The following AKAP9 variants were observed in gnomAD, a reference collection of about 807,000 sequenced individuals.
AKAP9 encodes the protein A-kinase anchor protein 9.
A neutral mutation model predicts 488.5 loss-of-function variants in AKAP9; 311 were observed. That is an observed-to-expected ratio of 0.64 (90% CI 0.58 to 0.70). The LOEUF is 0.70. AKAP9 is among the 30% of genes least tolerant of loss of function. The pLI, the probability that AKAP9 is intolerant of heterozygous loss-of-function variation, is 0.00. For missense variants in AKAP9, 4,215 were observed against 4,374.5 expected (o/e 0.96, Z 1.03); for synonymous variants, 1,462 against 1,483.5 (o/e 0.99, Z 0.33).
chr7:92,093,387 A>G, intron 39 of AKAP9, 71 bp downstream of exon 39: 3 of 1,302,162 alleles, frequency 2.3e-6, no homozygotes. Context: ...CACTGTGCAA[A>G]TATAGAGAAA....
At position 92,012,545 on chromosome 7, in the gene AKAP9, T is replaced by C. The variant is rs752837656; in HGVS notation, c.3435T>C (p.Ser1145=). The C allele has an allele frequency of 6.2e-7, 1 of 1,613,798 alleles. No individual in the cohort carries two copies. Among genetic ancestry groups the C allele is most frequent in the South Asian group, 1.1e-5 (1 of 91,070 alleles). The change falls in exon 9 of 50, where the codon AGT becomes AGC. Residue 1145 remains serine, a synonymous_variant. Coordinates refer to ENST00000356239, the MANE Select transcript of AKAP9 (RefSeq NM_005751.5). The part of the protein sequence containing the change: ...MENEKDKALC[S]LKEELIFAQE... ...ATGAAAAAGATAAAGCTCTTTGCAG[T>C]CTTAAAGAAGAGCTTATTTTTGCTC...
chr7:91,985,841 G>T (rs1161957506), intron 3 of AKAP9, among the ~76,000 whole-genome samples: 2 of 152,082 alleles, frequency 1.3e-5, no homozygotes, highest in Non-Finnish European at 2.9e-5. Flanking sequence ...TAGAGATGGG[G>T]TTTCACCATA....
chr7:92,065,467 A>C lies in AKAP9; in HGVS notation c.6210+4A>C, dbSNP rs2130830934. The C allele has an allele frequency of 6.3e-7, 1 of 1,583,426 alleles. No individual in the cohort carries two copies. The highest frequency in any genetic ancestry group is 1.7e-4 in the Middle Eastern group (1 of 5,954). Reference sequence around the variant, plus strand: ...AAAAATGAGAAAATTTTTAGATGTAAGTATTCTCAAGTTGAATACTGATTT... The same window carrying C: ...AAAAATGAGAAAATTTTTAGATGTACGTATTCTCAAGTTGAATACTGATTT... On this transcript the variant is annotated splice_donor_region_variant and intron_variant, in intron 25 of 49. Coordinates refer to ENST00000356239, the MANE Select transcript of AKAP9 (RefSeq NM_005751.5).
At chr7:92,013,060 C>T (rs1800989030) in intron 9 of AKAP9, among the ~76,000 whole-genome samples, 1 of 127,842 alleles carries the variant, frequency 7.8e-6, no homozygotes, top group African/African-American at 3.0e-5. Context: ...GGCGGGATCT[C>T]GGCTCACTGC....
intron 5 of AKAP9, 95 bp downstream of exon 5, chr7:91,993,150 ATT>A: frequency 7.4e-7 from 1 of 1,346,880 alleles, no homozygotes; most frequent in South Asian, 1.3e-5. Flanking sequence ...GGTTTTTAAA[ATT>A]TTTTTTTAAC....
intron 44 of AKAP9, among the ~76,000 whole-genome samples, chr7:92,100,246 G>A (rs988023717): frequency 1.3e-5 from 2 of 152,096 alleles, no homozygotes; most frequent in African/African-American, 4.8e-5. Context: ...AATCCTGACT[G>A]TTCTCTTCAT....
In AKAP9 at chr7:92,016,217, T is replaced by C; in HGVS notation, c.3701T>C (p.Ile1234Thr). 6.3e-7 allele frequency: 1 copy of C among 1,579,398 alleles called. No homozygotes were observed. The highest frequency in any genetic ancestry group is 8.7e-7 in the Non-Finnish European group (1 of 1,150,392). ...AEDKENSGDY[I>T]SENEDPELQD... is the part of the protein sequence containing the mutation. ...GACAAAGAGAATTCTGGTGATTACATTTCTGAAAATGAAGATCCAGAATTA... is the reference window on the plus strand; with the variant it reads ...GACAAAGAGAATTCTGGTGATTACACTTCTGAAAATGAAGATCCAGAATTA... The change falls in exon 11 of 50, where the codon ATT becomes ACT. Residue 1234 changes from isoleucine (I) to threonine (T), a missense_variant. By Grantham distance (89) the Ile-to-Thr change is moderately conservative. Transcript: ENST00000356239.
At chr7:92,078,018 A>G in intron 30 of AKAP9, 143 bp downstream of exon 30, 1 of 552,492 alleles carries the variant, frequency 1.8e-6, no homozygotes, top group Non-Finnish European at 2.7e-6. Context: ...TTTTTTTGAG[A>G]CAGAATCTCG....
Position 92,031,602 on chromosome 7 carries a change from A to G in AKAP9, c.4336A>G (p.Lys1446Glu). 6.2e-7 allele frequency: 1 copy of G among 1,600,100 alleles called. No individual in the cohort carries two copies. Among genetic ancestry groups the G allele is most frequent in the Non-Finnish European group, 8.6e-7 (1 of 1,167,732 alleles). Residue 1446 changes from lysine (K) to glutamate (E), a missense_variant and splice_region_variant, in exon 16 of 50, where the codon AAG becomes GAG. Transcript: ENST00000356239. ...YQEQLEEEVA[K>E]VIVSMSIAFA... ...AGAACAATTAGAAGAAGAAGTAGCT[A>G]AGGTAGGCTTATAGCTTATCTGGAA...
At chr7:91,988,409 G>A (rs1489710891) in intron 3 of AKAP9, among the ~76,000 whole-genome samples, 2 of 149,504 alleles carry the variant, frequency 1.3e-5, no homozygotes, top group African/African-American at 4.9e-5. Flanking sequence ...GTTTGAGTTT[G>A]CAATGACCTA....
chr7:91,995,851 A>T (rs767926385), intron 7 of AKAP9, 51 bp downstream of exon 7: 2 of 1,422,334 alleles, frequency 1.4e-6, no homozygotes, highest in Non-Finnish European at 1.9e-6. Context: ...TTAGAGTTTC[A>T]AGTTTTTTAT....
chr7:91,957,050 C>T (rs766904479), intron 1 of AKAP9, among the ~76,000 whole-genome samples: 8 of 152,104 alleles, frequency 5.3e-5, no homozygotes, highest in South Asian at 2.1e-4. Flanking sequence ...CTTTTTGTAA[C>T]GCGAATAACT....
chr7:92,058,929 C>T (rs1488783926), intron 22 of AKAP9, among the ~76,000 whole-genome samples: 2 of 151,794 alleles, frequency 1.3e-5, no homozygotes, highest in South Asian at 2.1e-4. Flanking sequence ...GGAACAAGAC[C>T]CTTTTCTGCT....
intron 21 of AKAP9, among the ~76,000 whole-genome samples, chr7:92,049,765 G>GA (rs1807612289): frequency 6.6e-6 from 1 of 151,752 alleles, no homozygotes; most frequent in Non-Finnish European, 1.5e-5. Flanking sequence ...ATGTTATTAA[G>GA]AAAATACCTT....
At position 92,086,225 on chromosome 7, in the gene AKAP9, T is replaced by G. The variant is rs753458128; in HGVS notation, c.9025-3T>G. On this transcript the variant is annotated splice_polypyrimidine_tract_variant and splice_region_variant and intron_variant, in intron 36 of 49. Coordinates refer to ENST00000356239, the MANE Select transcript of AKAP9 (RefSeq NM_005751.5). ...CTAACTATCGTTATATGTACTTTGC[T>G]AGGTTTATGATAGTTCTCAATCTCA... 2 of 1,612,526 alleles carry G rather than the reference T, an allele frequency of 1.2e-6. No individual in the cohort carries two copies. Among genetic ancestry groups the G allele is most frequent in the Non-Finnish European group, 1.7e-6 (2 of 1,178,690 alleles).
chr7:92,068,365 C>CAAAAAAAAAAAAA, intron 26 of AKAP9, among the ~76,000 whole-genome samples: 1 of 46,526 alleles, frequency 2.1e-5, no homozygotes, highest in Non-Finnish European at 4.8e-5. Flanking sequence ...GACTCCGTCT[C>CAAAAAAAAAAAAA]AAAAAAAAAA....
At chr7:91,954,591 A>G (rs773029236) in intron 1 of AKAP9, among the ~76,000 whole-genome samples, 5 of 152,242 alleles carry the variant, frequency 3.3e-5, no homozygotes, top group Non-Finnish European at 5.9e-5. Flanking sequence ...TTTAAAAAGA[A>G]AGAAGGGGAA....
intron 17 of AKAP9, 94 bp downstream of exon 17, chr7:92,038,866 A>G: frequency 1.1e-6 from 1 of 873,576 alleles, no homozygotes; most frequent in Non-Finnish European, 1.8e-6. Flanking sequence ...TAATGTTTGG[A>G]GGAGGAAAAT....
chr7:92,045,285 T>C, intron 21 of AKAP9, 72 bp downstream of exon 21: 1 of 1,427,580 alleles, frequency 7.0e-7, no homozygotes, highest in Non-Finnish European at 9.9e-7. Context: ...TTGCCATGTG[T>C]TGAAAATATA....
Sources: gnomAD v4.1 joint callset for allele counts (sites outside exome capture counted in the v4.1 genomes callset) on GRCh38, gnomAD v4.1.1 for gene constraint, MANE v1.5 for transcripts, NCBI Gene and HGNC (gene_info 2026-07-23, HGNC 2026-07-21) for gene names.